The following DNM3 variants were observed in gnomAD, a reference collection of about 807,000 sequenced individuals.
DNM3 encodes dynamin-3.
Under a neutral mutation model 101.6 loss-of-function variants are expected in DNM3, and 47 were observed. That is an observed-to-expected ratio of 0.46 (90% confidence interval 0.37 to 0.59). DNM3 has a LOEUF of 0.59. DNM3 is among the 20% of genes least tolerant of loss of function. The pLI, the probability that DNM3 is intolerant of heterozygous loss-of-function variation, is 0.00. For missense variants in DNM3, 849 were observed against 1,085.7 expected (o/e 0.78, Z 3.06); for synonymous variants, 385 against 387.9 (o/e 0.99, Z 0.09).
intron 1 of DNM3, among the ~76,000 whole-genome samples, chr1:171,893,091 T>TG (rs2037442705): frequency 6.7e-6 from 1 of 149,896 alleles, no homozygotes; most frequent in Admixed American, 6.6e-5. Flanking sequence ...TTTCCAAAGT[T>TG]ACTTAGGTCA....
At chr1:171,939,017 T>G (rs2125402640) in intron 2 of DNM3, among the ~76,000 whole-genome samples, 1 of 152,246 alleles carries the variant, frequency 6.6e-6, no homozygotes, top group South Asian at 2.1e-4. Context: ...TTTTCTTCCT[T>G]TTTTTTCCTT....
At chr1:171,851,274 G>A (rs2421915) in intron 1 of DNM3, among the ~76,000 whole-genome samples, 91,328 of 152,016 alleles carry the variant, frequency 0.6, 27,681 homozygotes, top group East Asian at 0.8. Context: ...ATCATTTTCC[G>A]TAGTGCAGTG....
intron 15 of DNM3, among the ~76,000 whole-genome samples, chr1:172,283,512 A>G (rs1055839363): frequency 3.9e-5 from 6 of 152,228 alleles, no homozygotes; most frequent in African/African-American, 1.4e-4. Context: ...CTGTAATCCC[A>G]TCACTTTGGG....
chr1:171,992,954 A>G (rs1030045471), intron 4 of DNM3, among the ~76,000 whole-genome samples: 10 of 151,802 alleles, frequency 6.6e-5, no homozygotes, highest in African/African-American at 2.4e-4. Flanking sequence ...ATCAATACCA[A>G]CTTAATTTCA....
At chr1:171,965,238 G>A (rs1171161133) in intron 2 of DNM3, among the ~76,000 whole-genome samples, 1 of 151,954 alleles carries the variant, frequency 6.6e-6, no homozygotes, top group Non-Finnish European at 1.5e-5. Context: ...TTTGTTTACT[G>A]GTTTATTAAA....
intron 1 of DNM3, among the ~76,000 whole-genome samples, chr1:171,887,216 A>G (rs190002475): frequency 5.1e-4 from 78 of 152,322 alleles, no homozygotes; most frequent in Admixed American, 4.7e-3. Flanking sequence ...GAGGAATTTT[A>G]GAAATCATCT....
chr1:172,023,537 A>G (rs2047987317), intron 4 of DNM3, among the ~76,000 whole-genome samples: 1 of 152,044 alleles, frequency 6.6e-6, no homozygotes, highest in Non-Finnish European at 1.5e-5. Flanking sequence ...AGTGATTCCC[A>G]ATCCTTTCTT....
chr1:172,397,096 C>T (rs2070070576), intron 20 of DNM3: 1 of 152,562 alleles, frequency 6.6e-6, no homozygotes, highest in Non-Finnish European at 1.5e-5. Flanking sequence ...AAAGTCTGCC[C>T]CACTGCTCTC....
At chr1:171,946,608 C>T (rs1304387491) in intron 2 of DNM3, among the ~76,000 whole-genome samples, 2 of 152,130 alleles carry the variant, frequency 1.3e-5, no homozygotes, top group East Asian at 3.9e-4. Context: ...TTGAATATTC[C>T]TGTCTTAGTC....
chr1:172,143,685 C>A (rs2057717059), intron 14 of DNM3, among the ~76,000 whole-genome samples: 1 of 152,104 alleles, frequency 6.6e-6, no homozygotes, highest in Non-Finnish European at 1.5e-5. Flanking sequence ...GAGGGCTCAG[C>A]TGAGCAGCAA....
At chr1:172,241,239 A>ATG (rs1262155821) in intron 14 of DNM3, among the ~76,000 whole-genome samples, 14,857 of 148,352 alleles carry the variant, frequency 0.1, 946 homozygotes, top group African/African-American at 0.18. Context: ...ATATACATAG[A>ATG]TGTGTGTGTG....
chr1:172,270,227 T>C (rs1382399094), intron 15 of DNM3, among the ~76,000 whole-genome samples: 2 of 146,316 alleles, frequency 1.4e-5, no homozygotes, highest in Non-Finnish European at 3.0e-5. Flanking sequence ...ATTACTAAAG[T>C]AATAACACCT....
intron 14 of DNM3, among the ~76,000 whole-genome samples, chr1:172,151,797 C>T (rs1233146319): frequency 1.3e-5 from 2 of 152,042 alleles, no homozygotes; most frequent in Admixed American, 6.6e-5. Context: ...GAAGTTAGTA[C>T]TGAGAAGTGC....
intron 1 of DNM3, among the ~76,000 whole-genome samples, chr1:171,914,166 G>GT (rs200653090): frequency 0.01 from 1,586 of 151,498 alleles, 26 homozygotes; most frequent in African/African-American, 0.034. Context: ...TTTTTGTTTT[G>GT]TTTTTTTTGA....
intron 14 of DNM3, among the ~76,000 whole-genome samples, chr1:172,215,870 C>T (rs1382618648): frequency 6.6e-6 from 1 of 150,948 alleles, no homozygotes; most frequent in Admixed American, 6.6e-5. Context: ...AGATTTGGCT[C>T]TTATAAATCC....
chr1:172,125,668 AT>A (rs932537784), intron 13 of DNM3, among the ~76,000 whole-genome samples: 1 of 152,178 alleles, frequency 6.6e-6, no homozygotes, highest in Non-Finnish European at 1.5e-5. Flanking sequence ...TGCTGAACAA[AT>A]GAGAACATGC....
intron 17 of DNM3, chr1:172,366,415 G>C (rs57229699): frequency 6.6e-6 from 1 of 151,806 alleles, no homozygotes; most frequent in Non-Finnish European, 1.5e-5. Context: ...AAATTTATCT[G>C]ATTTCAGGAA....
At chr1:171,971,884 G>A (rs544235987) in intron 2 of DNM3, among the ~76,000 whole-genome samples, 72 of 152,302 alleles carry the variant, frequency 4.7e-4, no homozygotes, top group African/African-American at 1.6e-3. Context: ...TAACTGATTA[G>A]ACCAGAAGGG....
chr1:171,925,931 C>T (rs1428641716), intron 2 of DNM3, among the ~76,000 whole-genome samples: 1 of 152,146 alleles, frequency 6.6e-6, no homozygotes, highest in African/African-American at 2.4e-5. Flanking sequence ...TATGGTTAGG[C>T]AGTTTTCCCA....
Sources: allele counts gnomAD v4.1 joint callset (sites outside exome capture counted in the v4.1 genomes callset), GRCh38; gene constraint gnomAD v4.1.1; transcripts MANE v1.5; gene names NCBI Gene and HGNC (gene_info 2026-07-23, HGNC 2026-07-21).